Variants in N4BP2L2 observed in about 807,000 individuals in gnomAD.
N4BP2L2 encodes NEDD4 binding protein 2 like 2, also known as NEDD4-binding protein 2-like 2.
N4BP2L2 carries 50 observed loss-of-function variants against 56.2 expected under a neutral mutation model. That is an observed-to-expected ratio of 0.89 (90% confidence interval 0.71 to 1.13). The LOEUF (loss-of-function observed/expected upper bound fraction) is 1.13, where lower values mean the gene tolerates loss of function less well. N4BP2L2 is among the 50% of genes most tolerant of loss of function. N4BP2L2 has a pLI of 0.00. For synonymous variants in N4BP2L2, 203 were observed against 223.6 expected (o/e 0.91, Z 0.82); for missense variants, 689 against 693.8 (o/e 0.99, Z 0.08).
At chr13:32,434,886 T>C (rs1169650181) in intron 9 of N4BP2L2, among the ~76,000 whole-genome samples, 1 of 152,218 alleles carries the variant, frequency 6.6e-6, no homozygotes, top group East Asian at 1.9e-4. Context: ...TTAGGATACA[T>C]GTGGGAGATC....
At chr13:32,500,359 A>T (rs2139537998) in intron 6 of N4BP2L2, among the ~76,000 whole-genome samples, 1 of 152,182 alleles carries the variant, frequency 6.6e-6, no homozygotes, top group Non-Finnish European at 1.5e-5. Flanking sequence ...TCTATAAGTA[A>T]ATTGTTTCTA....
At chr13:32,456,015 CT>C (rs1425506911) in intron 6 of N4BP2L2, among the ~76,000 whole-genome samples, 2 of 152,352 alleles carry the variant, frequency 1.3e-5, no homozygotes, top group East Asian at 3.9e-4. Context: ...ACCTATCCCC[CT>C]ACCTGGTTCA....
intron 6 of N4BP2L2, among the ~76,000 whole-genome samples, chr13:32,490,301 T>C (rs866459746): frequency 2.6e-5 from 4 of 152,080 alleles, no homozygotes; most frequent in Non-Finnish European, 5.9e-5. Context: ...GTTTTGTTTT[T>C]TTGTTTGTTT....
exon 6 of N4BP2L2, chr13:32,517,127 C>G: frequency 1.0e-6 from 1 of 984,832 alleles, no homozygotes; most frequent in Non-Finnish European, 1.2e-6. Context: ...CCTTCAAGAA[C>G]TGGCAAGCAT....
chr13:32,443,890 C>A (rs1200231195), exon 7 of N4BP2L2: 11 of 1,569,248 alleles, frequency 7.0e-6, no homozygotes, highest in South Asian at 1.2e-5. Context: ...CACAAAATCT[C>A]CGACTTCATT....
downstream of N4BP2L2, chr13:32,509,338 A>G (rs1286846885): frequency 5.9e-5 from 9 of 152,202 alleles, no homozygotes; most frequent in African/African-American, 2.2e-4. Context: ...TCCAAAATCC[A>G]AAAGAAAATC....
intron 6 of N4BP2L2, among the ~76,000 whole-genome samples, chr13:32,489,811 AAC>A (rs2086668655): frequency 6.6e-6 from 1 of 151,198 alleles, no homozygotes; most frequent in Non-Finnish European, 1.5e-5. Flanking sequence ...GCTAAGAAAT[AAC>A]ACAATACATT....
At chr13:32,491,731 A>G (rs533442605) in intron 6 of N4BP2L2, among the ~76,000 whole-genome samples, 11 of 150,846 alleles carry the variant, frequency 7.3e-5, no homozygotes, top group Non-Finnish European at 1.6e-4. Context: ...TCCCGGGTTC[A>G]AGCGATTCCC....
At chr13:32,444,031 A>G in exon 7 of N4BP2L2, 2 of 1,608,188 alleles carry the variant, frequency 1.2e-6, no homozygotes, top group East Asian at 2.2e-5. Context: ...TTCCTCCATG[A>G]TTCTATTCTG....
chr13:32,516,576 T>C (rs530889148), exon 6 of N4BP2L2: 11 of 152,288 alleles, frequency 7.2e-5, no homozygotes, highest in African/African-American at 2.6e-4. Flanking sequence ...AGAAATACTA[T>C]GGGATTCAAG....
At chr13:32,449,219 T>C (rs1347156251) in intron 6 of N4BP2L2, among the ~76,000 whole-genome samples, 1 of 152,210 alleles carries the variant, frequency 6.6e-6, no homozygotes, top group Non-Finnish European at 1.5e-5. Flanking sequence ...GTCAGATGGG[T>C]TTATTCGCAA....
chr13:32,433,381 A>G (rs1197213111), intron 9 of N4BP2L2, among the ~76,000 whole-genome samples: 1 of 152,266 alleles, frequency 6.6e-6, no homozygotes, highest in African/African-American at 2.4e-5. Flanking sequence ...CTGTAATCCC[A>G]GCATTTTGGG....
intron 6 of N4BP2L2, among the ~76,000 whole-genome samples, chr13:32,444,995 T>G (rs1566029400): frequency 6.6e-6 from 1 of 152,196 alleles, no homozygotes; most frequent in African/African-American, 2.4e-5. Context: ...ACGCCTGTAA[T>G]CCCACGACTT....
intron 6 of N4BP2L2, among the ~76,000 whole-genome samples, chr13:32,454,826 G>C (rs2078690370): frequency 6.6e-6 from 1 of 152,150 alleles, no homozygotes; most frequent in Non-Finnish European, 1.5e-5. Flanking sequence ...GAGAACACTG[G>C]AATTCAACAG....
intron 7 of N4BP2L2, chr13:32,438,783 AT>A: frequency 7.0e-7 from 1 of 1,425,424 alleles, no homozygotes; most frequent in Non-Finnish European, 9.7e-7. Context: ...TGTCACACAG[AT>A]TTTTGCCCTA....
rs1394896021 is a variant in N4BP2L2, at chr13:32,478,250, C to G, written c.366-34124G>C. The stretch of plus-strand genomic sequence containing the variant: ...TACCACTGCAGGTGTAATTTACGGT[C>G]AGACACCTTCTTCCATCCTAGAGTC... On this transcript the variant is annotated intron_variant, in intron 6 of 9. Coordinates refer to the N4BP2L2 transcript ENST00000357505. 9.0e-6 allele frequency: 3 copies of G among 332,074 alleles called. No homozygotes were observed. In the Admixed American group the frequency reaches 1.2e-4, roughly 13 times the overall value. 20.6% of individuals were successfully genotyped at this position (332,074 alleles called of 1,614,324 possible).
intron 6 of N4BP2L2, among the ~76,000 whole-genome samples, chr13:32,474,726 G>T (rs1256930065): frequency 6.6e-6 from 1 of 152,122 alleles, no homozygotes; most frequent in Non-Finnish European, 1.5e-5. Flanking sequence ...ATGTGATTTA[G>T]CCATAGACCA....
In N4BP2L2 at chr13:32,538,606, G is replaced by T. The variant is rs2057232837; in HGVS notation, c.-1+12C>A. The T allele has an allele frequency of 1.0e-6, 1 of 985,238 alleles. No homozygotes were observed. Among genetic ancestry groups the T allele is most frequent in the South Asian group, 4.7e-5 (1 of 21,284 alleles). The allele number at this position is 985,238 out of a possible 1,614,324, so 61.0% of individuals were successfully genotyped here. A position where few individuals can be genotyped will look rare whatever the true frequency, so the allele number is the denominator to read the frequency against. ...CCGCCCCACCCTCACCTAAAACGGG[G>T]TGTCTACTCACCTTACTCTACCCCT... On this transcript the variant is annotated intron_variant, in intron 1 of 5. Coordinates refer to ENST00000267068, the Ensembl canonical transcript of N4BP2L2.
At chr13:32,470,232 A>C (rs1406035521) in intron 6 of N4BP2L2, among the ~76,000 whole-genome samples, 1 of 152,148 alleles carries the variant, frequency 6.6e-6, no homozygotes, top group Non-Finnish European at 1.5e-5. Flanking sequence ...TCTTTTCCAG[A>C]CAGCCAGGAA....
Sources: allele counts gnomAD v4.1 joint callset (sites outside exome capture counted in the v4.1 genomes callset), GRCh38; gene constraint gnomAD v4.1.1; transcripts MANE v1.5; gene names NCBI Gene and HGNC (gene_info 2026-07-23, HGNC 2026-07-21).